Variants in ACAD8 observed in about 807,000 individuals in gnomAD.
ACAD8 encodes the protein acyl-CoA dehydrogenase family member 8.
Under a neutral mutation model 53.1 loss-of-function variants are expected in ACAD8, and 47 were observed. That is an observed-to-expected ratio of 0.89 (90% CI 0.70 to 1.13). The LOEUF is 1.13. Ranked by LOEUF, ACAD8 falls within the 50% of genes most tolerant of loss-of-function variation. The pLI is 0.00. For missense variants in ACAD8, 494 were observed against 535.0 expected, an observed-to-expected ratio of 0.92 and a Z score of 0.76; for synonymous variants, 198 against 201.3, an observed-to-expected ratio of 0.98 and a Z score of 0.14.
At chr11:134,258,383 G>T (rs1421923465) in intron 3 of ACAD8, 132 bp from the exon 4 acceptor site, 12 of 710,808 alleles carry the variant, frequency 1.7e-5, no homozygotes, top group Non-Finnish European at 2.8e-5. Flanking sequence ...TCCCAATTGT[G>T]ACTCTCCCCT....
chr11:134,258,539 C>T lies in ACAD8; in HGVS notation c.405C>T (p.Ser135=), dbSNP rs771887909. The change falls in exon 4 of 11, where the codon AGC becomes AGT. Residue 135 remains serine (S), a synonymous_variant. Transcript: ENST00000281182. ...IHNMCAWMID[S]FGNEEQRHKF... ...GCATGTGTGCCTGGATGATTGATAG[C>T]TTCGGAAATGAGGAACAGAGGCACA... 1 of 1,613,706 alleles carries T rather than the reference C, an allele frequency of 6.2e-7. No homozygotes were observed. Among genetic ancestry groups the T allele is most frequent in the East Asian group, 2.2e-5 (1 of 44,860 alleles).
In ACAD8 at chr11:134,253,696, C is replaced by T. The variant is rs1939263918; in HGVS notation, c.96C>T (p.Thr32=). ...VLVQTGHRSL[T]SCIDPSMGLN... The stretch of plus-strand genomic sequence containing the variant: ...TCCAGACCGGCCACCGGAGCTTGAC[C>T]TCCTGCATCGACCGTAAGGATCTCC... The change falls in exon 1 of 11, where the codon ACC becomes ACT. Residue 32 remains threonine, a synonymous_variant. Coordinates refer to ENST00000281182, the MANE Select transcript of ACAD8 (RefSeq NM_014384.3). 1.3e-6 allele frequency: 2 copies of T among 1,598,790 alleles called. No homozygotes were observed. Among genetic ancestry groups the T allele is most frequent in the South Asian group, 1.1e-5 (1 of 89,036 alleles).
chr11:134,265,108 C>T lies in ACAD8; in HGVS notation c.*148C>T. The T allele has an allele frequency of 4.9e-6, 4 of 823,030 alleles. No homozygotes were observed. Among genetic ancestry groups the T allele is most frequent in the Non-Finnish European group, 6.2e-6 (3 of 484,936 alleles). The allele number at this position is 823,030 out of a possible 1,614,324, so 51.0% of individuals were successfully genotyped here. ...AGGACCTGCACCCTGTGTGTTGGCA[C>T]CAGCATCGGGTCTTGGACTGGGGCA... On this transcript the variant is annotated 3_prime_UTR_variant, in exon 11 of 11. Transcript: ENST00000281182.
chr11:134,255,764 C>A (rs1231342912), intron 1 of ACAD8, among the ~76,000 whole-genome samples: 1 of 152,196 alleles, frequency 6.6e-6, no homozygotes, highest in Non-Finnish European at 1.5e-5. Flanking sequence ...GCATAGCCAG[C>A]CATTACTGAT....
intron 2 of ACAD8, chr11:134,256,881 T>C (rs1939561740): frequency 3.0e-6 from 2 of 667,994 alleles, no homozygotes; most frequent in Admixed American, 2.9e-5. Context: ...GGCAGTTCTA[T>C]AGATAATAAA....
In ACAD8 at chr11:134,261,522, T is replaced by C; in HGVS notation, c.939+150T>C. 1 of 1,510,024 alleles carries C rather than the reference T, an allele frequency of 6.6e-7. No individual in the cohort carries two copies. The highest frequency in any genetic ancestry group is 9.0e-7 in the Non-Finnish European group (1 of 1,109,932). The allele number at this position is 1,510,024 out of a possible 1,614,324, so 93.5% of individuals were successfully genotyped here. A position where few individuals can be genotyped will look rare whatever the true frequency, so the allele number is the denominator to read the frequency against. On this transcript the variant is annotated intron_variant, in intron 8 of 10. Transcript: ENST00000281182. The surrounding 1 kb of genome is among the most constrained non-coding windows in gnomAD (Gnocchi z 4.2). Reference sequence around the variant, plus strand: ...AGCTTGTGCTTTATTTCTGTCCATCTTTTCTTGGGATATCTTTAACGATAT... The same window carrying C: ...AGCTTGTGCTTTATTTCTGTCCATCCTTTCTTGGGATATCTTTAACGATAT...
At chr11:134,262,439 C>T (rs1355378110) in intron 9 of ACAD8, 81 bp from the exon 10 acceptor site, 15 of 922,024 alleles carry the variant, frequency 1.6e-5, no homozygotes, top group South Asian at 5.6e-5. Context: ...GCTGCCAGAT[C>T]GTGGGCTGGG....
rs775443877 is a variant in ACAD8, at chr11:134,261,661, G to A, written c.940-77G>A. The A allele has an allele frequency of 6.2e-7, 1 of 1,604,278 alleles. No homozygotes were observed. The highest frequency in any genetic ancestry group is 8.5e-7 in the Non-Finnish European group (1 of 1,179,252). On this transcript the variant is annotated intron_variant, in intron 8 of 10. Coordinates refer to ENST00000281182, the MANE Select transcript of ACAD8 (RefSeq NM_014384.3). This position sits in a 1 kb window ranked among gnomAD's most constrained non-coding sequence, Gnocchi z 4.2. ...CACTTAGAAAAGGCGCCTCCGAGAT[G>A]TCTTACCGAGGCTCCTGCACCAGGT... is the stretch of plus-strand genomic sequence containing the variant.
Position 134,261,785 on chromosome 11 carries a change from G to C in ACAD8, c.987G>C (p.Ala329=). Residue 329 remains alanine, a synonymous_variant, in exon 9 of 11, where the codon GCG becomes GCC. Transcript: ENST00000281182. The surrounding 1 kb of genome is among the most constrained non-coding windows in gnomAD (Gnocchi z 4.2). ...LADMATRLVA[A]RLMVRNAAVA... ...ATATGGCAACAAGGCTGGTGGCCGCGCGGCTGATGGTCCGCAATGCAGCAG... is the reference window on the plus strand; with the variant it reads ...ATATGGCAACAAGGCTGGTGGCCGCCCGGCTGATGGTCCGCAATGCAGCAG... The C allele has an allele frequency of 6.2e-7, 1 of 1,614,146 alleles. No individual in the cohort carries two copies.
intron 5 of ACAD8, 134 bp downstream of exon 5, chr11:134,259,218 ATTTCTCTTTCTT>A: frequency 1.2e-6 from 1 of 803,746 alleles, no homozygotes. Context: ...CCTCTGACCC[ATTTCTCTTTCTT>A]TATTCTCACT....
chr11:134,256,742 C>G, intron 2 of ACAD8, 94 bp downstream of exon 2: 3 of 1,110,018 alleles, frequency 2.7e-6, no homozygotes, highest in East Asian at 4.9e-5. Flanking sequence ...TTAAATGTCT[C>G]CTCCACTTAC....
chr11:134,254,736 T>C (rs993196419), intron 1 of ACAD8, among the ~76,000 whole-genome samples: 1 of 152,242 alleles, frequency 6.6e-6, no homozygotes, highest in Non-Finnish European at 1.5e-5. Flanking sequence ...GCATCTTGCT[T>C]ACACTTGAGT....
chr11:134,263,885 T>C (rs1226765016), intron 10 of ACAD8: 1 of 985,466 alleles, frequency 1.0e-6, no homozygotes, highest in Non-Finnish European at 1.2e-6. Flanking sequence ...ACGATGTGAC[T>C]ACTGATTCCT....
intron 3 of ACAD8, 152 bp downstream of exon 3, chr11:134,257,409 C>T (rs927995001): frequency 1.6e-5 from 16 of 1,019,198 alleles, no homozygotes; most frequent in African/African-American, 8.0e-5. Flanking sequence ...CGCAGTGGCT[C>T]GTGCCTGTAA....
chr11:134,261,133 C>T lies in ACAD8; in HGVS notation c.795C>T (p.Gly265=), dbSNP rs767383153. 8 of 1,612,214 alleles carry T rather than the reference C, an allele frequency of 5.0e-6. No homozygotes were observed. Among genetic ancestry groups the T allele is most frequent in the Middle Eastern group, 1.6e-4 (1 of 6,062 alleles). ...ACAGAATTGGGAGCGAGGGGCAGGG[C>T]TTCCTCATTGCCGTGAGAGGACTGA... is the stretch of plus-strand genomic sequence containing the variant. ...VANRIGSEGQ[G]FLIAVRGLNG... is the part of the protein sequence containing the mutation. Residue 265 remains glycine, a synonymous_variant, in exon 7 of 11, where the codon GGC becomes GGT. Transcript: ENST00000281182. The surrounding 1 kb of genome is among the most constrained non-coding windows in gnomAD (Gnocchi z 4.2).
intron 2 of ACAD8, 146 bp from the exon 3 acceptor site, chr11:134,256,942 A>T (rs1437881103): frequency 2.2e-6 from 2 of 889,744 alleles, no homozygotes; most frequent in Non-Finnish European, 1.8e-6. Context: ...ATGTTAACTG[A>T]TAACCACTGT....
rs1405182005 is a variant in ACAD8 at position 134,261,227 on chromosome 11, A to G, written c.841+48A>G. On this transcript the variant is annotated intron_variant, in intron 7 of 10. Transcript: ENST00000281182. This position sits in a 1 kb window ranked among gnomAD's most constrained non-coding sequence, Gnocchi z 4.2. ...AGGGAGGTAGCGGTCCGGGACAGGC[A>G]CTGCTGTTTTCCAGCTTGGTTGGAA... is the stretch of plus-strand genomic sequence containing the variant. 6.2e-7 allele frequency: 1 copy of G among 1,613,990 alleles called. No homozygotes were observed. Among genetic ancestry groups the G allele is most frequent in the Admixed American group, 1.7e-5 (1 of 60,008 alleles).
chr11:134,255,813 C>T (rs1939495249), intron 1 of ACAD8, among the ~76,000 whole-genome samples: 1 of 152,200 alleles, frequency 6.6e-6, no homozygotes, highest in Admixed American at 6.5e-5. Context: ...TGGCACCTGC[C>T]CTTGTGTTCT....
intron 10 of ACAD8, 58 bp downstream of exon 10, chr11:134,262,680 T>C: frequency 6.4e-7 from 1 of 1,553,680 alleles, no homozygotes; most frequent in Non-Finnish European, 8.8e-7. Context: ...ATCGCTGCTT[T>C]CCCCACTCTC....
Sources: gnomAD v4.1 joint callset for allele counts (sites outside exome capture counted in the v4.1 genomes callset) on GRCh38, gnomAD v4.1.1 for gene constraint, Gnocchi (gnomAD v3.1) non-coding constraint, MANE v1.5 for transcripts, NCBI Gene and HGNC (gene_info 2026-07-23, HGNC 2026-07-21) for gene names.